Variants in EMSY observed in about 807,000 individuals in gnomAD.
EMSY encodes EMSY transcriptional repressor, BRCA2 interacting.
Under a neutral mutation model 134.6 loss-of-function variants are expected in EMSY, and 26 were observed. The observed-to-expected ratio is 0.19, with a 90% CI of 0.14 to 0.27. The LOEUF (loss-of-function observed/expected upper bound fraction) is 0.27, where lower values mean the gene tolerates loss of function less well. EMSY is among the 10% of genes least tolerant of loss of function. The pLI is 1.00. For synonymous variants in EMSY, 579 were observed against 577.8 expected (o/e 1.00, Z -0.03); for missense variants, 1,305 against 1,611.4 (o/e 0.81, Z 3.26).
At chr11:76,533,803 A>C (rs1367065121) in intron 14 of EMSY, among the ~76,000 whole-genome samples, 1 of 152,174 alleles carries the variant, frequency 6.6e-6, no homozygotes, top group Non-Finnish European at 1.5e-5. Context: ...GTCTAGATGA[A>C]CGCACACTGC....
At chr11:76,538,217 G>A (rs1032097262) in intron 16 of EMSY, among the ~76,000 whole-genome samples, 1 of 152,048 alleles carries the variant, frequency 6.6e-6, no homozygotes, top group Non-Finnish European at 1.5e-5. Flanking sequence ...GTAGGGAGAG[G>A]ATAAAATATC....
intron 17 of EMSY, among the ~76,000 whole-genome samples, chr11:76,541,851 C>A: frequency 6.6e-6 from 1 of 152,176 alleles, no homozygotes; most frequent in Non-Finnish European, 1.5e-5. Flanking sequence ...TGCTTTGTTA[C>A]CTTAATGGGA....
chr11:76,505,717 C>T (rs1314743747), intron 9 of EMSY, among the ~76,000 whole-genome samples: 3 of 151,766 alleles, frequency 2.0e-5, no homozygotes, highest in South Asian at 2.1e-4. Flanking sequence ...ATTAGCTGGG[C>T]GTGGTGGCAG....
chr11:76,515,223 C>T (rs1376091360), intron 10 of EMSY, among the ~76,000 whole-genome samples: 6 of 148,138 alleles, frequency 4.1e-5, no homozygotes, highest in African/African-American at 1.0e-4. Context: ...GGGGAGGAGG[C>T]GAGTATTGAA....
rs187399932 is a variant in EMSY, at chr11:76,481,637, C to T, written c.1108+8797C>T. ...GTATAAAGAAAGCCACCAGGAAGTTCGAACTGGGCGGAGCCCACTGCAGCT... is the reference window on the plus strand; with the variant it reads ...GTATAAAGAAAGCCACCAGGAAGTTTGAACTGGGCGGAGCCCACTGCAGCT... On this transcript the variant is annotated intron_variant, in intron 8 of 20. Transcript: ENST00000334736. Among the ~76,000 whole-genome samples the T allele has an allele frequency of 3.9e-5, 6 of 152,340 alleles. No homozygotes were observed. In the East Asian group the frequency reaches 5.8e-4, roughly 15 times the overall value.
At chr11:76,542,452 G>A (rs1951474734) in intron 18 of EMSY, 85 bp downstream of exon 19, 13 of 1,483,666 alleles carry the variant, frequency 8.8e-6, no homozygotes, top group Middle Eastern at 1.7e-4. Context: ...TTTAAGAGGA[G>A]AAATAATTGG....
chr11:76,516,461 A>G, intron 11 of EMSY, 149 bp downstream of exon 12: 1 of 504,636 alleles, frequency 2.0e-6, no homozygotes, highest in South Asian at 6.5e-5. Flanking sequence ...ATGATTAAAT[A>G]AAGTTTTTAG....
At chr11:76,463,572 G>A (rs1590804335) in intron 6 of EMSY, among the ~76,000 whole-genome samples, 3 of 148,986 alleles carry the variant, frequency 2.0e-5, no homozygotes, top group Admixed American at 1.4e-4. Context: ...GCGGTGAGCC[G>A]AGATTGCGCC....
exon 16 of EMSY, chr11:76,537,912 T>C (rs575565252): frequency 6.2e-7 from 1 of 1,613,782 alleles, no homozygotes; most frequent in Admixed American, 1.7e-5. Context: ...TCAATTGCTG[T>C]GGTAGAGTCA....
intron 13 of EMSY, among the ~76,000 whole-genome samples, chr11:76,527,479 A>T (rs1440728620): frequency 1.3e-5 from 2 of 152,152 alleles, no homozygotes; most frequent in Non-Finnish European, 2.9e-5. Context: ...TTAGAATCTT[A>T]TATGTGGTAG....
intron 9 of EMSY, among the ~76,000 whole-genome samples, chr11:76,502,109 T>C (rs1949887163): frequency 7.3e-6 from 1 of 137,880 alleles, no homozygotes; most frequent in African/African-American, 2.7e-5. Context: ...CTTTCAAAAA[T>C]GAAGAAAGAC....
At chr11:76,477,689 A>T (rs985686466) in intron 8 of EMSY, among the ~76,000 whole-genome samples, 2 of 152,180 alleles carry the variant, frequency 1.3e-5, no homozygotes, top group African/African-American at 4.8e-5. Context: ...TTTATCTTAG[A>T]TGACTGCTTC....
At chr11:76,537,154 G>A (rs1013144822) in intron 15 of EMSY, among the ~76,000 whole-genome samples, 1 of 152,106 alleles carries the variant, frequency 6.6e-6, no homozygotes, top group African/African-American at 2.4e-5. Context: ...GACTTTGAAC[G>A]CATAGATTTT....
chr11:76,550,461 TC>T (rs1324461428), exon 21 of EMSY: 6 of 202,668 alleles, frequency 3.0e-5, no homozygotes, highest in Non-Finnish European at 4.9e-5. Flanking sequence ...GAAAGAGACT[TC>T]CTGTGAATGT....
At chr11:76,496,779 A>C in intron 9 of EMSY, 1 of 382,800 alleles carries the variant, frequency 2.6e-6, no homozygotes. Context: ...TTGTTCTCAG[A>C]GTATTTACAT....
chr11:76,535,268 G>T (rs1375945221), intron 14 of EMSY, among the ~76,000 whole-genome samples: 2 of 152,054 alleles, frequency 1.3e-5, no homozygotes, highest in Non-Finnish European at 2.9e-5. Context: ...GATGTAGTTG[G>T]GGCTATAATC....
At chr11:76,457,905 C>T (rs1294441835) in intron 4 of EMSY, among the ~76,000 whole-genome samples, 12 of 151,922 alleles carry the variant, frequency 7.9e-5, no homozygotes, top group African/African-American at 2.7e-4. Context: ...AAACCAAGGC[C>T]GATATTTATT....
intron 6 of EMSY, among the ~76,000 whole-genome samples, chr11:76,461,421 T>G (rs1948112136): frequency 6.6e-6 from 1 of 152,254 alleles, no homozygotes; most frequent in African/African-American, 2.4e-5. Flanking sequence ...TATAATTGTT[T>G]ATGTCTGCTC....
intron 18 of EMSY, among the ~76,000 whole-genome samples, chr11:76,542,966 C>T (rs770909840): frequency 2.6e-5 from 4 of 152,154 alleles, no homozygotes; most frequent in East Asian, 1.9e-4. Flanking sequence ...GATTTTGTGT[C>T]GGATACTGTG....
Sources: gnomAD v4.1 joint callset for allele counts (sites outside exome capture counted in the v4.1 genomes callset) on GRCh38, gnomAD v4.1.1 for gene constraint, MANE v1.5 for transcripts, NCBI Gene and HGNC (gene_info 2026-07-23, HGNC 2026-07-21) for gene names.